CNTN1: variants seen among roughly 807,000 people sequenced by gnomAD.
CNTN1 encodes the protein contactin-1.
In CNTN1, 38 loss-of-function variants were observed where a neutral mutation model predicts 126.4. That is an observed-to-expected ratio of 0.30 (90% confidence interval 0.23 to 0.39). The LOEUF (loss-of-function observed/expected upper bound fraction) is 0.39, where lower values mean the gene tolerates loss of function less well. CNTN1 is among the 10% of genes least tolerant of loss of function. CNTN1 has a pLI of 1.00. For synonymous variants in CNTN1, 413 were observed against 422.6 expected, an observed-to-expected ratio of 0.98 and a Z score of 0.28; for missense variants, 1,009 against 1,248.4, an observed-to-expected ratio of 0.81 and a Z score of 2.89.
chr12:40,841,925 C>T (rs1228816768), intron 1 of CNTN1, among the ~76,000 whole-genome samples: 2 of 151,820 alleles, frequency 1.3e-5, no homozygotes, highest in African/African-American at 4.8e-5. Context: ...ACCTAAATGT[C>T]CTGACTTGAT....
Position 40,981,066 on chromosome 12 carries a change from A to G in CNTN1, c.1962A>G (p.Thr654=). 1 of 1,612,410 alleles carries G rather than the reference A, an allele frequency of 6.2e-7. No homozygotes were observed. Among genetic ancestry groups the G allele is most frequent in the Non-Finnish European group, 8.5e-7 (1 of 1,179,686 alleles). The change falls in exon 16 of 24, where the codon ACA becomes ACG. Residue 654 remains threonine, a splice_region_variant and synonymous_variant. Transcript: ENST00000551295. ...ILSDDWKDAK[T]DPPIIEGNME... ...CAGATGACTGGAAAGATGCAAAGAC[A>G]GGTGAGTTTTATTTGTCTGATTAAT...
At chr12:40,832,284 G>A (rs1941869793) in intron 1 of CNTN1, among the ~76,000 whole-genome samples, 2 of 152,094 alleles carry the variant, frequency 1.3e-5, no homozygotes, top group Admixed American at 1.3e-4. Flanking sequence ...TTTTTTGATT[G>A]CATATTTGAC....
At chr12:40,708,448 C>T (rs1006320816) in intron 1 of CNTN1, among the ~76,000 whole-genome samples, 5 of 152,158 alleles carry the variant, frequency 3.3e-5, no homozygotes, top group Non-Finnish European at 7.3e-5. Context: ...AGCCTTCAGC[C>T]AGCCATAATC....
chr12:40,874,105 C>A (rs937359898), intron 1 of CNTN1, among the ~76,000 whole-genome samples: 1 of 152,090 alleles, frequency 6.6e-6, no homozygotes, highest in African/African-American at 2.4e-5. Context: ...CAAATCCCAG[C>A]TCTACCATTC....
chr12:40,813,038 C>CTCTCTTT (rs1211719482), intron 1 of CNTN1, among the ~76,000 whole-genome samples: 10 of 84,966 alleles, frequency 1.2e-4, no homozygotes, highest in African/African-American at 4.0e-4. Flanking sequence ...CTCTTTCTTT[C>CTCTCTTT]CTTTCTTTCT....
intron 14 of CNTN1, among the ~76,000 whole-genome samples, chr12:40,957,646 G>GA (rs934871868): frequency 1.4e-5 from 2 of 141,886 alleles, no homozygotes; most frequent in African/African-American, 2.7e-5. Context: ...AGGACAGAAG[G>GA]AAAAAAACTC....
At chr12:40,860,094 T>C (rs1395460434) in intron 1 of CNTN1, among the ~76,000 whole-genome samples, 3 of 152,156 alleles carry the variant, frequency 2.0e-5, no homozygotes, top group African/African-American at 7.2e-5. Context: ...CTTTACATAA[T>C]ATTGATCAGA....
In CNTN1 at chr12:41,020,317, A is replaced by C; in HGVS notation, c.2420-20A>C. 6.8e-7 allele frequency: 1 copy of C among 1,467,420 alleles called. No homozygotes were observed. Among genetic ancestry groups the C allele is most frequent in the Non-Finnish European group, 9.5e-7 (1 of 1,049,162 alleles). 90.9% of individuals were successfully genotyped at this position (1,467,420 alleles called of 1,614,324 possible). A position where few individuals can be genotyped will look rare whatever the true frequency, so the allele number is the denominator to read the frequency against. ...ATGTAAATATCTCACTAATAATATA[A>C]TGTTCTCATAAAATTTCAGCTCCCA... is the stretch of plus-strand genomic sequence containing the variant. On this transcript the variant is annotated intron_variant, in intron 19 of 23. Transcript: ENST00000551295.
intron 1 of CNTN1, among the ~76,000 whole-genome samples, chr12:40,906,127 C>T (rs550755543): frequency 2.0e-5 from 3 of 152,064 alleles, no homozygotes; most frequent in East Asian, 1.9e-4. Context: ...AAAAATTAGC[C>T]GGGCGTGGTG....
chr12:40,876,163 CAGTTTAAGGTTT>C (rs1943660521), intron 1 of CNTN1, among the ~76,000 whole-genome samples: 2 of 145,270 alleles, frequency 1.4e-5, no homozygotes, highest in East Asian at 4.0e-4. Flanking sequence ...ACCCAGAAAA[CAGTTTAAGGTTT>C]TCTAATCTAC....
intron 1 of CNTN1, among the ~76,000 whole-genome samples, chr12:40,800,229 C>T (rs1940594456): frequency 6.6e-6 from 1 of 152,022 alleles, no homozygotes; most frequent in East Asian, 1.9e-4. Context: ...CCTCTGCTTG[C>T]AATCACTCCA....
chr12:40,979,011 T>C (rs1249969754), intron 15 of CNTN1: 1 of 152,174 alleles, frequency 6.6e-6, no homozygotes, highest in African/African-American at 2.4e-5. Context: ...TTATGTGAAG[T>C]AATGAACTTC....
intron 1 of CNTN1, among the ~76,000 whole-genome samples, chr12:40,784,940 A>C (rs967750632): frequency 2.0e-5 from 3 of 152,142 alleles, no homozygotes; most frequent in Non-Finnish European, 4.4e-5. Flanking sequence ...ATTCATAGTC[A>C]TGGGGTGGAT....
chr12:40,783,816 A>T (rs1301295918), intron 1 of CNTN1, among the ~76,000 whole-genome samples: 2 of 152,166 alleles, frequency 1.3e-5, no homozygotes, highest in Non-Finnish European at 2.9e-5. Flanking sequence ...TGAGGTAAAT[A>T]TTATAAAAAT....
chr12:41,036,227 T>G (rs923546245), intron 23 of CNTN1, among the ~76,000 whole-genome samples: 33 of 152,274 alleles, frequency 2.2e-4, no homozygotes, highest in South Asian at 1.2e-3. Context: ...TTTCTATGAC[T>G]TCCCAATTCT....
chr12:40,918,145 A>T (rs1161042673), intron 3 of CNTN1, among the ~76,000 whole-genome samples: 3 of 152,158 alleles, frequency 2.0e-5, no homozygotes, highest in Non-Finnish European at 2.9e-5. Flanking sequence ...CAGAACAGAA[A>T]GTTGTACCAA....
chr12:40,876,633 C>T (rs1943679709), intron 1 of CNTN1, among the ~76,000 whole-genome samples: 1 of 151,828 alleles, frequency 6.6e-6, no homozygotes, highest in African/African-American at 2.4e-5. Context: ...TATCTTATTC[C>T]ATTATTATTT....
chr12:41,061,097 T>TC (rs749045412), intron 23 of CNTN1, among the ~76,000 whole-genome samples: 2 of 152,154 alleles, frequency 1.3e-5, no homozygotes, highest in Non-Finnish European at 2.9e-5. Context: ...TCACCTCAAG[T>TC]CTCATGCTTT....
chr12:40,908,619 A>C, intron 2 of CNTN1, 126 bp downstream of exon 2: 1 of 639,374 alleles, frequency 1.6e-6, no homozygotes, highest in Non-Finnish European at 2.7e-6. Flanking sequence ...TAAGTAGATA[A>C]ATATGTATCA....
Sources: gnomAD v4.1 joint callset for allele counts (sites outside exome capture counted in the v4.1 genomes callset) on GRCh38, gnomAD v4.1.1 for gene constraint, MANE v1.5 for transcripts, NCBI Gene and HGNC (gene_info 2026-07-23, HGNC 2026-07-21) for gene names.